Variants in NHSL1 observed in about 807,000 individuals in gnomAD.
The protein encoded by NHSL1 is NHS like 1.
A neutral mutation model predicts 95.0 loss-of-function variants in NHSL1; 48 were observed. The ratio of observed to expected loss-of-function variants is 0.51; its 90% CI spans 0.40 to 0.64. NHSL1 has a LOEUF of 0.64. Among genes scored for constraint, NHSL1 ranks in the 30% least tolerant of loss-of-function variants. NHSL1 has a pLI of 0.00. For synonymous variants in NHSL1, 783 were observed against 833.9 expected (o/e 0.94, Z 1.05); for missense variants, 1,971 against 2,077.7 (o/e 0.95, Z 1.00).
chr6:138,596,724 T>G (rs1222409537), intron 1 of NHSL1, among the ~76,000 whole-genome samples: 3 of 152,046 alleles, frequency 2.0e-5, no homozygotes, highest in African/African-American at 7.2e-5. Flanking sequence ...CTTGGTAAGT[T>G]TTTTAAGTTC....
In NHSL1 at chr6:138,469,452, G is replaced by A. The variant is rs549095942; in HGVS notation, c.339+3854C>T. ...AGTTAAGAAGAACAAGGCTGAGCGC[G>A]ATGACTCACGCCTGTAAGCCTAGAA... On this transcript the variant is annotated intron_variant, in intron 3 of 7. Coordinates refer to ENST00000343505, the MANE Select transcript of NHSL1 (RefSeq NM_001144060.2). 7.2e-5 allele frequency among the ~76,000 whole-genome samples: 11 copies of A among 152,290 alleles called. No individual in the cohort carries two copies. In the East Asian group the frequency reaches 1.4e-3, roughly 19 times the overall value.
intron 1 of NHSL1, among the ~76,000 whole-genome samples, chr6:138,605,745 T>G (rs1022908103): frequency 8.5e-5 from 13 of 152,210 alleles, no homozygotes; most frequent in African/African-American, 2.9e-4. Flanking sequence ...CTGATTAAGG[T>G]AAGTTTCTAC....
rs574868388 is a variant in NHSL1, at chr6:138,640,881, C to T, written c.96+51595G>A. Among the ~76,000 whole-genome samples, 247 of 152,290 alleles carry T rather than the reference C, an allele frequency of 1.6e-3. 1 individual carries two copies. Among genetic ancestry groups the T allele is most frequent in the Non-Finnish European group, 2.8e-3 (192 of 68,020 alleles). ...TTCAAGCACATGGGCTGATCCATTA[C>T]CAGACTGAATTCTCTCAACATACAC... On this transcript the variant is annotated intron_variant, in intron 1 of 3. Coordinates refer to the NHSL1 transcript ENST00000491526.
At chr6:138,514,629 T>C (rs1781384143) in intron 1 of NHSL1, among the ~76,000 whole-genome samples, 1 of 152,102 alleles carries the variant, frequency 6.6e-6, no homozygotes, top group Non-Finnish European at 1.5e-5. Context: ...TCAAAATATC[T>C]TATTGTGGCC....
chr6:138,689,324 AC>A (rs1785628393), intron 1 of NHSL1, among the ~76,000 whole-genome samples: 1 of 152,196 alleles, frequency 6.6e-6, no homozygotes, highest in Non-Finnish European at 1.5e-5. Flanking sequence ...CAGCCCCTCA[AC>A]CTGGGGGTGT....
chr6:138,575,219 C>T (rs1783950124), upstream of NHSL1, among the ~76,000 whole-genome samples: 1 of 152,074 alleles, frequency 6.6e-6, no homozygotes. Flanking sequence ...TTTTTATTTA[C>T]CAGAAGTGCT....
chr6:138,459,679 G>C (rs1341634245), intron 3 of NHSL1, among the ~76,000 whole-genome samples: 1 of 152,046 alleles, frequency 6.6e-6, no homozygotes, highest in African/African-American at 2.4e-5. Context: ...ATTCTAGTGG[G>C]AACAGCCCAT....
intron 1 of NHSL1, among the ~76,000 whole-genome samples, chr6:138,597,261 T>G (rs1224639880): frequency 6.6e-6 from 1 of 152,220 alleles, no homozygotes; most frequent in African/African-American, 2.4e-5. Flanking sequence ...AAATGGCTGG[T>G]TAGTTTCCGA....
At chr6:138,536,602 C>CTTTTTT (rs563509738) in intron 1 of NHSL1, among the ~76,000 whole-genome samples, 31 of 80,018 alleles carry the variant, frequency 3.9e-4, no homozygotes, top group Non-Finnish European at 6.1e-4. Context: ...CATATGTCAT[C>CTTTTTT]TTTTTTTTTT....
At chr6:138,627,807 G>A (rs1336555218) in intron 1 of NHSL1, among the ~76,000 whole-genome samples, 4 of 151,970 alleles carry the variant, frequency 2.6e-5, no homozygotes, top group African/African-American at 9.7e-5. Context: ...CTTGAACCTG[G>A]GAGGCAGATG....
intron 1 of NHSL1, among the ~76,000 whole-genome samples, chr6:138,525,528 AAAATAAATAAATAAAT>A (rs141195256): frequency 0.076 from 10,567 of 139,604 alleles, 501 homozygotes; most frequent in Middle Eastern, 0.13. Context: ...ACCTTGTCTC[AAAATAAATAAATAAAT>A]AAATAAATAA....
chr6:138,523,085 C>T (rs990145963), intron 1 of NHSL1, among the ~76,000 whole-genome samples: 3 of 151,092 alleles, frequency 2.0e-5, no homozygotes, highest in Admixed American at 2.0e-4. Flanking sequence ...AACTAACTGG[C>T]TTGGTGCAGA....
At chr6:138,584,611 A>G (rs1784106357) in intron 1 of NHSL1, among the ~76,000 whole-genome samples, 2 of 152,242 alleles carry the variant, frequency 1.3e-5, no homozygotes, top group Non-Finnish European at 2.9e-5. Flanking sequence ...AAAGGCCTAA[A>G]GAACACTTAA....
chr6:138,616,830 A>G (rs1784585298), intron 1 of NHSL1, among the ~76,000 whole-genome samples: 1 of 152,350 alleles, frequency 6.6e-6, no homozygotes, highest in East Asian at 1.9e-4. Flanking sequence ...AACCAGGTCA[A>G]AGAAACACAA....
At chr6:138,471,002 A>T (rs1403041703) in intron 3 of NHSL1, among the ~76,000 whole-genome samples, 1 of 152,098 alleles carries the variant, frequency 6.6e-6, no homozygotes. Flanking sequence ...TCCCTTATAC[A>T]CGACCATTTT....
chr6:138,480,661 G>A (rs76618647), intron 2 of NHSL1, among the ~76,000 whole-genome samples: 8,392 of 152,138 alleles, frequency 0.055, 641 homozygotes, highest in East Asian at 0.29. Context: ...TAATAGCATT[G>A]AATCTTTTGC....
chr6:138,626,420 G>C (rs187923608), intron 1 of NHSL1, among the ~76,000 whole-genome samples: 1 of 152,144 alleles, frequency 6.6e-6, no homozygotes, highest in Non-Finnish European at 1.5e-5. Flanking sequence ...TAAATCATCA[G>C]ACACACTTGA....
chr6:138,519,186 C>A (rs1467683617), intron 1 of NHSL1, among the ~76,000 whole-genome samples: 2 of 151,486 alleles, frequency 1.3e-5, no homozygotes, highest in African/African-American at 2.4e-5. Context: ...AAAAAAAAAG[C>A]CTTACCATGT....
intron 1 of NHSL1, among the ~76,000 whole-genome samples, chr6:138,630,463 G>A (rs938865263): frequency 1.3e-5 from 2 of 151,878 alleles, no homozygotes; most frequent in Admixed American, 6.6e-5. Context: ...CGAGATCACC[G>A]CAACCTCCGC....
Sources: allele counts gnomAD v4.1 joint callset (sites outside exome capture counted in the v4.1 genomes callset), GRCh38; gene constraint gnomAD v4.1.1; transcripts MANE v1.5; gene names NCBI Gene and HGNC (gene_info 2026-07-23, HGNC 2026-07-21).